The following PCDHA13 variants were observed in gnomAD, a reference collection of about 807,000 sequenced individuals.
PCDHA13 encodes the protein protocadherin alpha-13.
Under a neutral mutation model 64.8 loss-of-function variants are expected in PCDHA13, and 54 were observed. The observed-to-expected ratio is 0.83, with a 90% CI of 0.67 to 1.04. The LOEUF (loss-of-function observed/expected upper bound fraction) is 1.04. Among genes scored for constraint, PCDHA13 ranks in the 50% least tolerant of loss-of-function variants. The pLI, the probability that PCDHA13 is intolerant of heterozygous loss-of-function variation, is 0.00. For missense variants in PCDHA13, 1,248 were observed against 1,254.3 expected, an observed-to-expected ratio of 0.99 and a Z score of 0.08; for synonymous variants, 587 against 564.4, an observed-to-expected ratio of 1.04 and a Z score of -0.57.
At chr5:140,921,060 A>T (rs543644748) in intron 1 of PCDHA13, among the ~76,000 whole-genome samples, 11 of 152,040 alleles carry the variant, frequency 7.2e-5, no homozygotes, top group African/African-American at 2.7e-4. Flanking sequence ...GCTCACTCTA[A>T]CCTTGAACTC....
chr5:140,927,901 G>A lies in PCDHA13; in HGVS notation c.2394+43239G>A, dbSNP rs370478984. On this transcript the variant is annotated intron_variant, in intron 1 of 3. Transcript: ENST00000289272. ...GGAGGTGACTGACGTGAACGATCAT[G>A]CCCCCGAACTGGACTTCCTGACTCT... The A allele has an allele frequency of 6.2e-6, 10 of 1,614,084 alleles. No individual in the cohort carries two copies. Among genetic ancestry groups the A allele is most frequent in the Non-Finnish European group, 8.5e-6 (10 of 1,180,046 alleles).
chr5:140,952,192 G>T (rs572613863), intron 1 of PCDHA13, among the ~76,000 whole-genome samples: 3 of 152,080 alleles, frequency 2.0e-5, no homozygotes, highest in Non-Finnish European at 4.4e-5. Context: ...TCATGGGTTG[G>T]TGTTGAATGC....
At chr5:140,948,860 T>C (rs2094315023) in intron 1 of PCDHA13, among the ~76,000 whole-genome samples, 2 of 151,640 alleles carry the variant, frequency 1.3e-5, no homozygotes, top group Non-Finnish European at 3.0e-5. Flanking sequence ...CTTCTTATAT[T>C]ACTTCGGGTT....
intron 1 of PCDHA13, chr5:140,926,717 C>G (rs975992181): frequency 3.1e-6 from 3 of 967,258 alleles, no homozygotes; most frequent in East Asian, 6.0e-5. Context: ...CCAGCCCCGG[C>G]AATGCCGGCG....
intron 1 of PCDHA13, among the ~76,000 whole-genome samples, chr5:140,941,259 T>TTCTTTCTTTC (rs1554214226): frequency 2.6e-4 from 32 of 121,828 alleles, no homozygotes; most frequent in African/African-American, 6.8e-4. Flanking sequence ...TTCTTTCTCT[T>TTCTTTCTTTC]TCTTTCTTTC....
intron 1 of PCDHA13, among the ~76,000 whole-genome samples, chr5:140,897,090 C>G (rs1420408825): frequency 6.6e-6 from 1 of 151,950 alleles, no homozygotes; most frequent in Non-Finnish European, 1.5e-5. Context: ...ATTTTTTATC[C>G]TCATTAAAAA....
At chr5:140,937,944 G>T (rs2091858064) in intron 1 of PCDHA13, among the ~76,000 whole-genome samples, 1 of 151,532 alleles carries the variant, frequency 6.6e-6, no homozygotes. Flanking sequence ...TTTGATAATT[G>T]GCTTTTGTTG....
At chr5:140,928,208 A>G in intron 1 of PCDHA13, 1 of 1,614,228 alleles carries the variant, frequency 6.2e-7, no homozygotes, top group Non-Finnish European at 8.5e-7. Context: ...GCTGATGTGA[A>G]TGACAATACA....
chr5:140,923,209 G>C (rs1454479273), intron 1 of PCDHA13, among the ~76,000 whole-genome samples: 3 of 150,998 alleles, frequency 2.0e-5, no homozygotes, highest in Non-Finnish European at 4.4e-5. Flanking sequence ...GGAGGCTAAG[G>C]TGAAAGGATC....
chr5:140,986,285 A>AGACT (rs1311762694), intron 3 of PCDHA13, among the ~76,000 whole-genome samples: 3 of 152,134 alleles, frequency 2.0e-5, no homozygotes, highest in Admixed American at 2.0e-4. Flanking sequence ...GCTTCCCTTG[A>AGACT]GACTGAGCAG....
rs377373799 is a variant in PCDHA13, at chr5:141,009,886, C to G, written c.2802C>G (p.Thr934=). 3.3e-5 allele frequency: 54 copies of G among 1,612,722 alleles called. No individual in the cohort carries two copies. The highest frequency in any genetic ancestry group is 4.6e-5 in the Non-Finnish European group (54 of 1,179,784). The stretch of plus-strand genomic sequence containing the variant: ...AGAAAAAGAAGAAGGGTAACAAGAC[C>G]CAGGAGAAAAAAGAGAAAGGGAACA... ...KKKKKKKGNK[T]QEKKEKGNST... Residue 934 remains threonine (T), a synonymous_variant, in exon 4 of 4, where the codon ACC becomes ACG. Transcript: ENST00000289272.
intron 1 of PCDHA13, among the ~76,000 whole-genome samples, chr5:140,978,222 G>C (rs997273847): frequency 6.6e-6 from 1 of 152,180 alleles, no homozygotes; most frequent in South Asian, 2.1e-4. Flanking sequence ...AATGTATCAG[G>C]TTTTTCTTGG....
At chr5:140,911,814 C>T (rs1165066555) in intron 1 of PCDHA13, among the ~76,000 whole-genome samples, 2 of 152,136 alleles carry the variant, frequency 1.3e-5, no homozygotes, top group African/African-American at 4.8e-5. Context: ...GCAGCCTTCT[C>T]CAGAAACCCC....
At chr5:140,968,211 A>G (rs1039283745) in intron 1 of PCDHA13, 1 of 1,614,002 alleles carries the variant, frequency 6.2e-7, no homozygotes. Context: ...CAGGAGAACA[A>G]TTTGCCAGGT....
chr5:140,928,757 G>T (rs372744198), intron 1 of PCDHA13: 1 of 1,614,092 alleles, frequency 6.2e-7, no homozygotes, highest in African/African-American at 1.3e-5. Context: ...CGTACTGCTC[G>T]CTTAGTTCTT....
chr5:140,941,251 C>CT (rs1177440606), intron 1 of PCDHA13, among the ~76,000 whole-genome samples: 1 of 121,786 alleles, frequency 8.2e-6, no homozygotes, highest in Non-Finnish European at 1.8e-5. Context: ...TTCTTTCTTT[C>CT]TTTCTCTTTC....
At chr5:140,920,093 T>C (rs1289681170) in intron 1 of PCDHA13, among the ~76,000 whole-genome samples, 1 of 152,176 alleles carries the variant, frequency 6.6e-6, no homozygotes, top group African/African-American at 2.4e-5. Flanking sequence ...GTAGAGCCTC[T>C]AAAGGGAGTG....
Position 140,884,422 on chromosome 5 carries a change from T to C in PCDHA13, c.2154T>C (p.Tyr718=), listed in dbSNP as rs1470374467. 9.3e-6 allele frequency: 15 copies of C among 1,613,860 alleles called. No homozygotes were observed. The highest frequency in any genetic ancestry group is 1.6e-4 in the Middle Eastern group (1 of 6,084). The change falls in exon 1 of 4, where the codon TAT becomes TAC. Residue 718 remains tyrosine, a synonymous_variant. Coordinates refer to ENST00000289272, the MANE Select transcript of PCDHA13 (RefSeq NM_018904.3). ...SSLLVLTLLL[Y]TALRCSAPPT... The stretch of plus-strand genomic sequence containing the variant: ...TGTTGGTGCTCACGTTGCTGCTGTA[T>C]ACTGCGCTGCGGTGCTCGGCACCGC...
rs186179297 is a variant in PCDHA13, at chr5:140,987,139, G to A, written c.2542+4576G>A. Among the ~76,000 whole-genome samples the A allele has an allele frequency of 5.1e-4, 78 of 151,932 alleles. 3 individuals are homozygous for A. The East Asian group carries it at 0.014, about 28-fold the overall frequency. On this transcript the variant is annotated intron_variant, in intron 3 of 3. Transcript: ENST00000289272. The stretch of plus-strand genomic sequence containing the variant: ...TGAGGCAGGAGAATTGCTTGAACTC[G>A]GGAGGTGGAGGTTGCAGTGAGCTGA...
Sources: allele counts gnomAD v4.1 joint callset (sites outside exome capture counted in the v4.1 genomes callset), GRCh38; gene constraint gnomAD v4.1.1; transcripts MANE v1.5; gene names NCBI Gene and HGNC (gene_info 2026-07-23, HGNC 2026-07-21).